ATP7A: variants seen among roughly 807,000 people sequenced by gnomAD.
ATP7A encodes copper-transporting ATPase 1.
A neutral mutation model predicts 83.5 loss-of-function variants in ATP7A; 7 were observed. The ratio of observed to expected loss-of-function variants is 0.08; its 90% confidence interval spans 0.05 to 0.16. The LOEUF (loss-of-function observed/expected upper bound fraction) is 0.16, where lower values mean the gene tolerates loss of function less well. ATP7A is among the 10% of genes least tolerant of loss of function. The pLI, the probability that ATP7A is intolerant of heterozygous loss-of-function variation, is 1.00. For missense variants in ATP7A, 940 were observed against 1,120.8 expected (o/e 0.84, Z 2.30); for synonymous variants, 354 against 395.2 (o/e 0.90, Z 1.24).
rs2078058125 is a variant in ATP7A, at chrX:78,042,708, C to G, written c.3925C>G (p.Leu1309Val). The stretch of plus-strand genomic sequence containing the variant: ...AGATGGAATCAATGACTCCCCAGCT[C>G]TGGCAATGGCTAATGTGGGAATTGC... ...VGDGINDSPA[L>V]AMANVGIAIG... is the part of the protein sequence containing the mutation. Residue 1309 changes from leucine to valine, a missense_variant, in exon 20 of 23, where the codon CTG (leucine) becomes GTG (valine). By Grantham distance (32) the Leu-to-Val change is conservative. This residue lies in a region of ATP7A where 386 missense variants were observed against 502.2 expected (regional missense o/e 0.77). Coordinates refer to ENST00000341514, the MANE Select transcript of ATP7A (RefSeq NM_000052.7). The G allele has an allele frequency of 8.3e-7, 1 of 1,211,598 alleles. No homozygotes were observed. Among genetic ancestry groups the G allele is most frequent in the East Asian group, 3.0e-5 (1 of 33,857 alleles).
intron 1 of ATP7A, chrX:77,969,603 G>A (rs201946447): frequency 8.3e-7 from 1 of 1,210,488 alleles, no homozygotes; most frequent in African/African-American, 1.7e-5. Flanking sequence ...ATGTGCTCTC[G>A]CCGTGCCGGA....
At chrX:78,001,334 A>T (rs2077737416) in intron 5 of ATP7A, among the ~76,000 whole-genome samples, 1 of 111,533 alleles carries the variant, frequency 9.0e-6, no homozygotes, top group African/African-American at 3.3e-5. Context: ...TTTTGTGAGT[A>T]TATAATAGGT....
chrX:77,913,151 C>T lies in ATP7A; in HGVS notation c.-22+2316C>T, dbSNP rs781974617. On this transcript the variant is annotated intron_variant, in intron 1 of 22. Transcript: ENST00000341514. ...CCTTTTATCTATATATTTAAAAGCT[C>T]TTGGCAAACTTTATTAATCAAGACT... Among the ~76,000 whole-genome samples the T allele has an allele frequency of 1.7e-4, 19 of 112,170 alleles. 1 individual carries two copies. The highest frequency in any genetic ancestry group is 9.2e-3 in the Middle Eastern group (2 of 217).
At chrX:78,003,534 A>G (rs1557233425) in intron 6 of ATP7A, among the ~76,000 whole-genome samples, 1 of 110,843 alleles carries the variant, frequency 9.0e-6, no homozygotes, top group East Asian at 2.8e-4. Context: ...ATTCCAGTGC[A>G]TTAAAGACTC....
chrX:77,937,549 G>A (rs1363357943), intron 1 of ATP7A, among the ~76,000 whole-genome samples: 2 of 111,613 alleles, frequency 1.8e-5, no homozygotes, highest in Non-Finnish European at 3.8e-5. Flanking sequence ...ACTAAAAATT[G>A]GAAACAACCC....
intron 12 of ATP7A, among the ~76,000 whole-genome samples, chrX:78,018,100 T>C (rs2077880962): frequency 9.3e-6 from 1 of 107,755 alleles, no homozygotes; most frequent in Non-Finnish European, 1.9e-5. Flanking sequence ...TTCTAAAGCA[T>C]AGCATGAGGG....
At chrX:77,990,309 G>A (rs1409217610) in intron 4 of ATP7A, among the ~76,000 whole-genome samples, 2 of 111,965 alleles carry the variant, frequency 1.8e-5, no homozygotes, top group Non-Finnish European at 1.9e-5. Context: ...TATACAATGT[G>A]ATCAAAATTT....
chrX:78,040,339 CTCTT>C (rs2078039745), intron 18 of ATP7A, among the ~76,000 whole-genome samples: 1 of 110,786 alleles, frequency 9.0e-6, no homozygotes, highest in African/African-American at 3.3e-5. Context: ...AGTAAGGTCT[CTCTT>C]TTTATTTTCC....
chrX:78,011,317 T>C, intron 8 of ATP7A, 65 bp downstream of exon 8: 1 of 1,101,393 alleles, frequency 9.1e-7, no homozygotes, highest in South Asian at 1.8e-5. Flanking sequence ...TTTTTTTGCA[T>C]GTCAGTTTTT....
At position 78,049,708 on chromosome X, in the gene ATP7A, G is replaced by A. The variant is rs782154939; in HGVS notation, c.*3138G>A. On this transcript the variant is annotated 3_prime_UTR_variant, in exon 23 of 23. Coordinates refer to ENST00000341514, the MANE Select transcript of ATP7A (RefSeq NM_000052.7). ...TTTAAAAAGTATTCTTTATTCATATGTATAGAATGCTTAAAATAGCACTGT... is the reference window on the plus strand; with the variant it reads ...TTTAAAAAGTATTCTTTATTCATATATATAGAATGCTTAAAATAGCACTGT... 4 of 112,522 alleles carry A rather than the reference G, an allele frequency of 3.6e-5. No individual in the cohort carries two copies. In the South Asian group the frequency reaches 1.4e-3, roughly 41 times the overall value. The allele number at this position is 112,522 out of a possible 1,213,427, so 9.3% of individuals were successfully genotyped here. A position where few individuals can be genotyped will look rare whatever the true frequency, so the allele number is the denominator to read the frequency against.
At chrX:78,041,636 C>G (rs1424831766) in intron 19 of ATP7A, among the ~76,000 whole-genome samples, 1 of 111,105 alleles carries the variant, frequency 9.0e-6, no homozygotes, top group Non-Finnish European at 1.9e-5. Flanking sequence ...CCTCTTTTCC[C>G]CATGCTCCCC....
rs782012781 is a variant in ATP7A at position 77,998,541 on chromosome X, C to G, written c.1400C>G (p.Thr467Ser). ...TCGGAAATGCCGCTTTTGACTTCAA[C>G]TAATGAATTTTATACTAAAGGGATG... Reference protein sequence around the residue: ...PSSEMPLLTSTNEFYTKGMTP... With the variant: ...PSSEMPLLTSSNEFYTKGMTP... The change falls in exon 5 of 23, where the codon ACT (threonine) becomes AGT (serine). Residue 467 changes from threonine to serine, a missense_variant. Around this residue, in one of 3 missense-constraint regions of ATP7A, gnomAD observed 350 missense variants for 432.8 expected, o/e 0.81. Transcript: ENST00000341514. 21 of 1,210,082 alleles carry G rather than the reference C, an allele frequency of 1.7e-5. No homozygotes were observed. Among genetic ancestry groups the G allele is most frequent in the Non-Finnish European group, 2.3e-5 (21 of 895,238 alleles).
At chrX:78,017,765 C>CTTTTTTT (rs1176316040) in intron 12 of ATP7A, among the ~76,000 whole-genome samples, 1,387 of 45,784 alleles carry the variant, frequency 0.03, 8 homozygotes, top group Non-Finnish European at 0.04. Flanking sequence ...TTTCTTGTTT[C>CTTTTTTT]TTTTTTTTTT....
Position 77,989,336 on chromosome X carries a change from C to T in ATP7A, c.714C>T (p.Val238=). Residue 238 remains valine, a synonymous_variant, in exon 4 of 23, where the codon GTC becomes GTT. Transcript: ENST00000341514. ...QIEAMGFPAF[V]KKQPKYLKLG... is the part of the protein sequence containing the mutation. ...AAGCTATGGGCTTTCCAGCATTTGT[C>T]AAAAAGCAGCCCAAGTACCTCAAAT... 8.3e-7 allele frequency: 1 copy of T among 1,211,303 alleles called. No individual in the cohort carries two copies. Among genetic ancestry groups the T allele is most frequent in the Non-Finnish European group, 1.1e-6 (1 of 895,366 alleles).
intron 13 of ATP7A, 53 bp from the exon 14 acceptor site, chrX:78,020,892 A>G (rs2077901024): frequency 8.8e-7 from 1 of 1,139,426 alleles, no homozygotes; most frequent in Non-Finnish European, 1.2e-6. Context: ...CAGTATCAGA[A>G]AAGACTTTGA....
chrX:78,011,198 T>C lies in ATP7A; in HGVS notation c.1892T>C (p.Leu631Ser), dbSNP rs876661241. The change falls in exon 8 of 23, where the codon TTG becomes TCG. Residue 631 changes from leucine (L) to serine (S), a missense_variant. By Grantham distance (145) the Leu-to-Ser change is moderately radical (BLOSUM62 -2). Transcript: ENST00000341514. ...TIESLGFEASLVKKDRSASHL... is the reference protein window; with the variant it reads ...TIESLGFEASSVKKDRSASHL... Reference sequence around the variant, plus strand: ...TAGAGCTTAGGTTTTGAAGCTTCTTTGGTCAAGAAGGATCGGTCAGCAAGT... The same window carrying C: ...TAGAGCTTAGGTTTTGAAGCTTCTTCGGTCAAGAAGGATCGGTCAGCAAGT... The C allele has an allele frequency of 8.3e-7, 1 of 1,210,399 alleles. No individual in the cohort carries two copies. Among genetic ancestry groups the C allele is most frequent in the Non-Finnish European group, 1.1e-6 (1 of 894,293 alleles).
At chrX:77,932,869 C>G (rs923469160) in intron 1 of ATP7A, among the ~76,000 whole-genome samples, 4 of 111,203 alleles carry the variant, frequency 3.6e-5, no homozygotes, top group African/African-American at 1.3e-4. Flanking sequence ...AGTCCAGCTT[C>G]GGCTCGGCAT....
At chrX:77,924,822 G>A (rs1393722994) in intron 1 of ATP7A, 2 of 111,785 alleles carry the variant, frequency 1.8e-5, no homozygotes, top group Admixed American at 1.9e-4. Flanking sequence ...CTCCCGAGTA[G>A]CTGGGACTGC....
intron 1 of ATP7A, among the ~76,000 whole-genome samples, chrX:77,938,181 G>GTT (rs2077331104): frequency 8.9e-6 from 1 of 111,829 alleles, no homozygotes; most frequent in South Asian, 3.6e-4. Context: ...TTTATTTATC[G>GTT]TAAGCGTCTT....
Sources: allele counts gnomAD v4.1 joint callset (sites outside exome capture counted in the v4.1 genomes callset), GRCh38; gene constraint gnomAD v4.1.1; regional missense constraint gnomAD v4.1.1; transcripts MANE v1.5; gene names NCBI Gene and HGNC (gene_info 2026-07-23, HGNC 2026-07-21).